Variants in THRB observed in about 807,000 individuals in gnomAD.
THRB encodes thyroid hormone receptor beta.
THRB carries 12 observed loss-of-function variants against 47.8 expected under a neutral mutation model. The observed-to-expected ratio is 0.25, with a 90% CI of 0.16 to 0.41. The LOEUF is 0.41. Ranked by LOEUF, THRB falls within the 10% of genes least tolerant of loss-of-function variation. The pLI is 1.00. For missense variants in THRB, 348 were observed against 589.2 expected (o/e 0.59, Z 4.24); for synonymous variants, 218 against 212.2 (o/e 1.03, Z -0.24).
At chr3:24,311,217 A>G (rs1397872515) in intron 2 of THRB, among the ~76,000 whole-genome samples, 1 of 152,214 alleles carries the variant, frequency 6.6e-6, no homozygotes, top group Admixed American at 6.5e-5. Flanking sequence ...TCCAAAGTAG[A>G]TAGAATTCTG....
intron 2 of THRB, among the ~76,000 whole-genome samples, chr3:24,335,407 C>T (rs1369007472): frequency 6.6e-6 from 1 of 152,226 alleles, no homozygotes; most frequent in South Asian, 2.1e-4. Flanking sequence ...TGACTTTAGA[C>T]TGGATCCAAT....
chr3:24,243,060 G>A (rs1441783366), intron 3 of THRB, among the ~76,000 whole-genome samples: 3 of 103,066 alleles, frequency 2.9e-5, no homozygotes, highest in Admixed American at 2.5e-4. Flanking sequence ...AATCACCTGC[G>A]CACCTTTGAA....
At chr3:24,442,986 T>C (rs891843585) in intron 1 of THRB, among the ~76,000 whole-genome samples, 19 of 151,798 alleles carry the variant, frequency 1.3e-4, no homozygotes, top group Non-Finnish European at 2.2e-4. Flanking sequence ...ATCGAGACCA[T>C]CCTGGCCAAC....
chr3:24,436,250 G>A, intron 1 of THRB, among the ~76,000 whole-genome samples: 1 of 151,858 alleles, frequency 6.6e-6, no homozygotes, highest in East Asian at 1.9e-4. Flanking sequence ...AATAACAGAA[G>A]AAGGAATACT....
chr3:24,340,847 T>C (rs1559972185), intron 1 of THRB, among the ~76,000 whole-genome samples: 1 of 152,232 alleles, frequency 6.6e-6, no homozygotes, highest in Non-Finnish European at 1.5e-5. Flanking sequence ...AGCAGATAAA[T>C]GGAATCCTAG....
intron 3 of THRB, among the ~76,000 whole-genome samples, chr3:24,259,178 A>G (rs1435241386): frequency 3.3e-5 from 5 of 152,200 alleles, no homozygotes; most frequent in African/African-American, 1.2e-4. Flanking sequence ...CTGCAAGGCA[A>G]GACTCTACAT....
intron 1 of THRB, among the ~76,000 whole-genome samples, chr3:24,407,042 C>A (rs1228025434): frequency 6.6e-6 from 1 of 151,866 alleles, no homozygotes; most frequent in Non-Finnish European, 1.5e-5. Context: ...AGGTCAACTT[C>A]TGGGGCATGG....
chr3:24,430,350 C>T (rs907554973), intron 1 of THRB, among the ~76,000 whole-genome samples: 1 of 152,018 alleles, frequency 6.6e-6, no homozygotes, highest in Non-Finnish European at 1.5e-5. Flanking sequence ...TTATGAGAGG[C>T]TTTGCATTGA....
chr3:24,123,030 C>G lies in THRB; in HGVS notation c.1240G>C (p.Val414Leu), dbSNP rs368873640. Residue 414 changes from valine (V) to leucine (L), a missense_variant, in exon 11 of 11, where the codon GTG becomes CTG. Coordinates refer to ENST00000646209, the MANE Select transcript of THRB (RefSeq NM_001354712.2). ...EHYINYRKHH[V>L]THFWPKLLMK... ...AGGAGTTTTGGCCAAAAGTGTGTCA[C>G]GTGGTGTTTTCGGTAATTGATATAG... 1 of 1,614,018 alleles carries G rather than the reference C, an allele frequency of 6.2e-7. No homozygotes were observed. The highest frequency in any genetic ancestry group is 8.5e-7 in the Non-Finnish European group (1 of 1,180,044).
chr3:24,301,187 C>T (rs2056913562), intron 2 of THRB, among the ~76,000 whole-genome samples: 1 of 152,212 alleles, frequency 6.6e-6, no homozygotes, highest in African/African-American at 2.4e-5. Context: ...GCCCTGTCAA[C>T]ACCTTGATTT....
chr3:24,368,947 A>G (rs2064703139), intron 1 of THRB, among the ~76,000 whole-genome samples: 1 of 152,210 alleles, frequency 6.6e-6, no homozygotes, highest in Non-Finnish European at 1.5e-5. Flanking sequence ...CAGGTTATAA[A>G]CAGTGATCAT....
rs139056463 is a variant in THRB, at chr3:24,399,923, C to T, written c.-260-62552G>A. Among the ~76,000 whole-genome samples the T allele has an allele frequency of 6.2e-4, 95 of 152,180 alleles. 1 individual carries two copies. The East Asian group carries it at 0.013, about 21-fold the overall frequency. On this transcript the variant is annotated intron_variant, in intron 1 of 10. Transcript: ENST00000646209. The stretch of plus-strand genomic sequence containing the variant: ...AGGAGGGGAAGAAGGTAGGGGAGGA[C>T]GTTACCTCACCAGAACTTTTTTCTC...
At chr3:24,226,598 C>A (rs2047677926) in intron 4 of THRB, among the ~76,000 whole-genome samples, 1 of 152,214 alleles carries the variant, frequency 6.6e-6, no homozygotes, top group Non-Finnish European at 1.5e-5. Flanking sequence ...CCAGCTTCCA[C>A]AAGATGGGCT....
intron 3 of THRB, among the ~76,000 whole-genome samples, chr3:24,288,009 G>C (rs2055506158): frequency 6.6e-6 from 1 of 152,236 alleles, no homozygotes; most frequent in Non-Finnish European, 1.5e-5. Context: ...TGGTTCCAAA[G>C]TTGCACTGAA....
chr3:24,127,768 C>T lies in THRB; in HGVS notation c.886-11G>A, dbSNP rs1312609968. On this transcript the variant is annotated splice_polypyrimidine_tract_variant and intron_variant, in intron 9 of 10. Coordinates refer to ENST00000646209, the MANE Select transcript of THRB (RefSeq NM_001354712.2). ...GTCTTCACATGGCAGCTGAAAAGAA[C>T]CAGTTCATGTCAGCAAAGAACAAAT... The T allele has an allele frequency of 6.2e-7, 1 of 1,614,140 alleles. No individual in the cohort carries two copies. Among genetic ancestry groups the T allele is most frequent in the Non-Finnish European group, 8.5e-7 (1 of 1,180,016 alleles).
At chr3:24,381,160 A>G (rs2065682176) in intron 1 of THRB, among the ~76,000 whole-genome samples, 1 of 152,094 alleles carries the variant, frequency 6.6e-6, no homozygotes, top group Non-Finnish European at 1.5e-5. Context: ...AGTAAAATGA[A>G]TAAAAATGTC....
At chr3:24,261,042 T>C (rs1045956149) in intron 3 of THRB, among the ~76,000 whole-genome samples, 3 of 119,724 alleles carry the variant, frequency 2.5e-5, no homozygotes, top group Non-Finnish European at 3.4e-5. Context: ...GGCCCACACC[T>C]GGTCCTATCT....
chr3:24,233,575 G>GAAAGA (rs747513244), intron 3 of THRB, among the ~76,000 whole-genome samples: 1 of 104,152 alleles, frequency 9.6e-6, no homozygotes, highest in African/African-American at 3.5e-5. Flanking sequence ...AAGAAAGAAA[G>GAAAGA]AAAGAAAGAA....
At chr3:24,384,790 A>T (rs2065966659) in intron 1 of THRB, among the ~76,000 whole-genome samples, 1 of 152,282 alleles carries the variant, frequency 6.6e-6, no homozygotes, top group South Asian at 2.1e-4. Context: ...TTGTACTTAA[A>T]ATCCATGCAC....
Sources: allele counts gnomAD v4.1 joint callset (sites outside exome capture counted in the v4.1 genomes callset), GRCh38; gene constraint gnomAD v4.1.1; transcripts MANE v1.5; gene names NCBI Gene and HGNC (gene_info 2026-07-23, HGNC 2026-07-21).